The following ZNF638 variants were observed in gnomAD, a reference collection of about 807,000 sequenced individuals.
The protein encoded by ZNF638 is zinc finger protein 638, also known as CTCL tumor antigen se33-1.
A neutral mutation model predicts 195.6 loss-of-function variants in ZNF638; 46 were observed. The ratio of observed to expected loss-of-function variants is 0.24; its 90% CI spans 0.19 to 0.30. ZNF638 has a LOEUF of 0.30. Ranked by LOEUF, ZNF638 falls within the 10% of genes least tolerant of loss-of-function variation. ZNF638 has a pLI of 1.00. For missense variants in ZNF638, 2,440 were observed against 2,325.3 expected, an observed-to-expected ratio of 1.05 and a Z score of -1.01; for synonymous variants, 845 against 772.0, an observed-to-expected ratio of 1.09 and a Z score of -1.57.
At position 71,348,370 on chromosome 2, in the gene ZNF638, C is replaced by T. The variant is rs183068209; in HGVS notation, c.-202-383C>T. On this transcript the variant is annotated intron_variant, in intron 1 of 27. Transcript: ENST00000264447. ...CATTATTTGTATATCTGATAACATG[C>T]GTATTAAATGTGTGCATTTATAAGT... 2,553 of 953,046 alleles carry T rather than the reference C, an allele frequency of 2.7e-3. 1 individual carries two copies. The highest frequency in any genetic ancestry group is 3.1e-3 in the Non-Finnish European group (2,457 of 798,396). 59.0% of individuals were successfully genotyped at this position (953,046 alleles called of 1,614,324 possible).
intron 21 of ZNF638, among the ~76,000 whole-genome samples, chr2:71,421,852 G>T (rs1264469547): frequency 6.6e-6 from 1 of 152,060 alleles, no homozygotes; most frequent in Non-Finnish European, 1.5e-5. Context: ...GGTTTTCCTT[G>T]TTCTTCAAGA....
intron 25 of ZNF638, among the ~76,000 whole-genome samples, chr2:71,430,647 G>A (rs563619926): frequency 2.6e-5 from 4 of 152,248 alleles, no homozygotes; most frequent in East Asian, 3.9e-4. Flanking sequence ...ATGATTTCAC[G>A]TGCCTATCTT....
chr2:71,407,369 C>G (rs1441442908), intron 19 of ZNF638: 1 of 152,166 alleles, frequency 6.6e-6, no homozygotes, highest in Non-Finnish European at 1.5e-5. Context: ...GAATACCTAT[C>G]ATTCTCTTCA....
chr2:71,412,955 T>C (rs1573146332), intron 20 of ZNF638, among the ~76,000 whole-genome samples: 2 of 123,814 alleles, frequency 1.6e-5, no homozygotes, highest in East Asian at 2.3e-4. Flanking sequence ...GCCTTGGCGA[T>C]GCGGGCTCTT....
In ZNF638 at chr2:71,364,143, A is replaced by T; in HGVS notation, c.1608A>T (p.Arg536Ser). The T allele has an allele frequency of 1.2e-6, 2 of 1,614,202 alleles. No individual in the cohort carries two copies. The highest frequency in any genetic ancestry group is 2.2e-5 in the East Asian group (1 of 44,880). The change falls in exon 5 of 28, where the codon AGA (arginine) becomes AGT (serine). Residue 536 changes from arginine (R) to serine (S), a missense_variant. Arg to Ser is a moderately radical substitution (Grantham distance 110). Around this residue, in one of 5 missense-constraint regions of ZNF638, gnomAD observed 1,883 missense variants for 1,739.1 expected, o/e 1.08. Coordinates refer to ENST00000264447, the MANE Select transcript of ZNF638 (RefSeq NM_014497.5). ...CHRFISRYRSRSRSRSPYRIR... is the reference protein window; with the variant it reads ...CHRFISRYRSSSRSRSPYRIR... ...GTTTCATTTCTAGATACAGATCCAG[A>T]TCCAGATCCCGTTCACCATATCGAA...
rs2080557111 is a variant in ZNF638, at chr2:71,427,223, A to G, written c.5354A>G (p.Asp1785Gly). The stretch of plus-strand genomic sequence containing the variant: ...GTTGATGAAGTTGGAGAGGAGGAAG[A>G]TGGAGATAATGATTTAAAAGTTGAG... ...VTVDEVGEEE[D>G]GDNDLKVELA... The change falls in exon 24 of 28, where the codon GAT (aspartate) becomes GGT (glycine). Residue 1785 changes from aspartate to glycine, a missense_variant. By Grantham distance (94) the Asp-to-Gly change is moderately conservative. Coordinates refer to ENST00000264447, the MANE Select transcript of ZNF638 (RefSeq NM_014497.5). The G allele has an allele frequency of 6.2e-7, 1 of 1,612,386 alleles. No homozygotes were observed. Among genetic ancestry groups the G allele is most frequent in the African/African-American group, 1.3e-5 (1 of 74,708 alleles).
In ZNF638 at chr2:71,354,045, A is replaced by G. The variant is rs148488602; in HGVS notation, c.1318-1674A>G. The stretch of plus-strand genomic sequence containing the variant: ...ATACCTTGTTGCTGAGTTTAAATTG[A>G]TGCTGAGCATTGCAAATCAGTGTAC... On this transcript the variant is annotated intron_variant, in intron 2 of 27. Transcript: ENST00000264447. Among the ~76,000 whole-genome samples, 20 of 152,376 alleles carry G rather than the reference A, an allele frequency of 1.3e-4. No individual in the cohort carries two copies. The East Asian group carries it at 2.1e-3, about 16-fold the overall frequency.
intron 10 of ZNF638, among the ~76,000 whole-genome samples, chr2:71,385,399 G>T (rs2079616514): frequency 6.6e-6 from 1 of 152,138 alleles, no homozygotes; most frequent in Non-Finnish European, 1.5e-5. Context: ...TTCTTCAGTG[G>T]ATGAATGGCT....
chr2:71,430,837 GT>G (rs1322081691), intron 25 of ZNF638, among the ~76,000 whole-genome samples: 1 of 152,086 alleles, frequency 6.6e-6, no homozygotes, highest in East Asian at 1.9e-4. Context: ...CTTCTTACGT[GT>G]TACTCACTTT....
chr2:71,384,249 TC>T (rs1382976956), intron 10 of ZNF638, among the ~76,000 whole-genome samples: 2 of 152,200 alleles, frequency 1.3e-5, no homozygotes, highest in Non-Finnish European at 2.9e-5. Flanking sequence ...GAAGATAGCC[TC>T]CTGACTGGTA....
chr2:71,336,008 A>G (rs1349810599), intron 1 of ZNF638, among the ~76,000 whole-genome samples: 3 of 152,244 alleles, frequency 2.0e-5, no homozygotes, highest in Non-Finnish European at 4.4e-5. Flanking sequence ...TTTGCTTTTT[A>G]TACATTATTT....
In ZNF638 at chr2:71,407,913, C is replaced by T. The variant is rs2080137901; in HGVS notation, c.3136-209C>T. ...TACGCATGTAACACATTTTTATATC[C>T]ACTCATCCATTGATGGACAGTTGGG... On this transcript the variant is annotated intron_variant, in intron 19 of 27. Coordinates refer to ENST00000264447, the MANE Select transcript of ZNF638 (RefSeq NM_014497.5). The T allele has an allele frequency of 2.6e-5, 11 of 418,824 alleles. 1 individual carries two copies. In the South Asian group the frequency reaches 4.1e-4, roughly 15 times the overall value. The allele number at this position is 418,824 out of a possible 1,614,324, so 25.9% of individuals were successfully genotyped here.
chr2:71,353,311 A>G (rs2078972957), intron 2 of ZNF638, among the ~76,000 whole-genome samples: 1 of 152,208 alleles, frequency 6.6e-6, no homozygotes, highest in South Asian at 2.1e-4. Flanking sequence ...GCTGTGTCAT[A>G]ATGACTGAAA....
chr2:71,363,299 A>T, intron 4 of ZNF638, 108 bp downstream of exon 4: 1 of 831,306 alleles, frequency 1.2e-6, no homozygotes, highest in South Asian at 1.8e-5. Context: ...CATTTAAACA[A>T]CAGGCAAATG....
intron 26 of ZNF638, among the ~76,000 whole-genome samples, chr2:71,432,789 G>A (rs949056179): frequency 1.1e-4 from 17 of 152,106 alleles, no homozygotes; most frequent in African/African-American, 2.9e-4. Flanking sequence ...TATTTTTGTC[G>A]TGTTTAAATT....
chr2:71,386,129 C>A (rs769231403), intron 10 of ZNF638, among the ~76,000 whole-genome samples: 1 of 151,180 alleles, frequency 6.6e-6, no homozygotes, highest in South Asian at 2.1e-4. Flanking sequence ...ATAGTGAGAC[C>A]CAGTCTGTAT....
chr2:71,336,803 G>C (rs186754593), intron 1 of ZNF638, among the ~76,000 whole-genome samples: 1 of 152,180 alleles, frequency 6.6e-6, no homozygotes, highest in Non-Finnish European at 1.5e-5. Context: ...AGCAGGACCA[G>C]AGTTAAAACA....
intron 27 of ZNF638, chr2:71,433,490 G>A: frequency 2.0e-6 from 1 of 491,462 alleles, no homozygotes; most frequent in South Asian, 2.7e-5. Context: ...ATTTGCCAGA[G>A]TAGATTCTGC....
At chr2:71,399,513 G>A (rs1312742417) in intron 12 of ZNF638, 46 bp from the exon 13 acceptor site, 1 of 1,375,332 alleles carries the variant, frequency 7.3e-7, no homozygotes, top group South Asian at 1.2e-5. Flanking sequence ...CATGCTAAAT[G>A]ATTTAACAAG....
Sources: allele counts gnomAD v4.1 joint callset (sites outside exome capture counted in the v4.1 genomes callset), GRCh38; gene constraint gnomAD v4.1.1; regional missense constraint gnomAD v4.1.1; transcripts MANE v1.5; gene names NCBI Gene and HGNC (gene_info 2026-07-23, HGNC 2026-07-21).